COLEC10: variants seen among roughly 807,000 people sequenced by gnomAD.
COLEC10 encodes collectin subfamily member 10, also known as collectin-10.
A neutral mutation model predicts 28.4 loss-of-function variants in COLEC10; 22 were observed. That is an observed-to-expected ratio of 0.78 (90% CI 0.55 to 1.11). COLEC10 has a LOEUF of 1.11. Among genes scored for constraint, COLEC10 ranks in the 50% least tolerant of loss-of-function variants. The pLI is 0.00. For missense variants in COLEC10, 361 were observed against 344.1 expected, an observed-to-expected ratio of 1.05 and a Z score of -0.39; for synonymous variants, 125 against 116.1, an observed-to-expected ratio of 1.08 and a Z score of -0.49.
At chr8:118,997,439 A>G (rs1813608340) in intron 1 of COLEC10, among the ~76,000 whole-genome samples, 1 of 152,302 alleles carries the variant, frequency 6.6e-6, no homozygotes, top group East Asian at 1.9e-4. Flanking sequence ...CTAAAGTTTC[A>G]TATCTTACTT....
the COLEC10 span, among the ~76,000 whole-genome samples, chr8:118,967,673 T>C: frequency 1.3e-5 from 2 of 152,144 alleles, no homozygotes; most frequent in African/African-American, 2.4e-5. Context: ...AGTTAAATAA[T>C]ATGTTTTATT....
intron 1 of COLEC10, among the ~76,000 whole-genome samples, chr8:119,083,535 T>C (rs1815408898): frequency 6.6e-6 from 1 of 152,034 alleles, no homozygotes; most frequent in Admixed American, 6.6e-5. Flanking sequence ...AAGCAAAAAA[T>C]GCTCAGTATG....
chr8:119,091,646 A>G (rs993196297), intron 3 of COLEC10, among the ~76,000 whole-genome samples: 7 of 150,894 alleles, frequency 4.6e-5, no homozygotes, highest in African/African-American at 1.5e-4. Flanking sequence ...AATTGAGGAT[A>G]CCCTTAATCA....
Position 119,027,044 on chromosome 8 carries a change from T to G in COLEC10, n.235+17491T>G, listed in dbSNP as rs545368881. ...CACACCTTGGGATGAATGCTTGATA[T>G]CCTTGGAAAAATTATTTAATCTTCC... On this transcript the variant is annotated intron_variant and non_coding_transcript_variant, in intron 2 of 6. Transcript: ENST00000521788. Among the ~76,000 whole-genome samples the G allele has an allele frequency of 1.9e-4, 29 of 152,248 alleles. No homozygotes were observed. The South Asian group carries it at 3.3e-3, about 17-fold the overall frequency.
At chr8:119,041,065 G>A (rs534857290) in intron 2 of COLEC10, among the ~76,000 whole-genome samples, 1 of 152,318 alleles carries the variant, frequency 6.6e-6, no homozygotes, top group East Asian at 1.9e-4. Context: ...TAACTTGGGT[G>A]AAACTTCACT....
chr8:118,981,426 T>C, the COLEC10 span, among the ~76,000 whole-genome samples: 1 of 151,932 alleles, frequency 6.6e-6, no homozygotes, highest in African/African-American at 2.4e-5. Flanking sequence ...TTTTACACTT[T>C]TAATGCTTTT....
At chr8:119,014,400 G>C (rs1254980139) in intron 2 of COLEC10, among the ~76,000 whole-genome samples, 3 of 144,626 alleles carry the variant, frequency 2.1e-5, no homozygotes, top group Admixed American at 1.4e-4. Flanking sequence ...CTCTTTCTTT[G>C]TTTGCATGAT....
intron 2 of COLEC10, among the ~76,000 whole-genome samples, chr8:119,020,119 C>T (rs1349526272): frequency 6.6e-6 from 1 of 152,026 alleles, no homozygotes; most frequent in Non-Finnish European, 1.5e-5. Flanking sequence ...TCCTTTTTCC[C>T]CTCATTTTAT....
intron 3 of COLEC10, among the ~76,000 whole-genome samples, chr8:119,101,083 T>G: frequency 6.6e-6 from 1 of 151,974 alleles, no homozygotes; most frequent in East Asian, 1.9e-4. Flanking sequence ...GCCCTACAGG[T>G]TTTAGAGTGG....
chr8:119,019,477 C>T (rs927889540), intron 2 of COLEC10, among the ~76,000 whole-genome samples: 4 of 152,280 alleles, frequency 2.6e-5, no homozygotes, highest in South Asian at 4.1e-4. Flanking sequence ...CCATGGTCTT[C>T]CGTCTTCCTG....
chr8:119,023,738 A>G (rs146527483), intron 2 of COLEC10, among the ~76,000 whole-genome samples: 2 of 152,298 alleles, frequency 1.3e-5, no homozygotes, highest in African/African-American at 4.8e-5. Flanking sequence ...AACAACATTC[A>G]TTCTCTATTT....
At chr8:119,003,754 G>A (rs192094859) in intron 1 of COLEC10, among the ~76,000 whole-genome samples, 61 of 152,106 alleles carry the variant, frequency 4.0e-4, no homozygotes, top group Non-Finnish European at 4.9e-4. Flanking sequence ...CTCTAAAATT[G>A]GAATAATTAT....
chr8:119,088,087 A>G (rs1320510590), intron 1 of COLEC10, among the ~76,000 whole-genome samples: 6 of 151,982 alleles, frequency 3.9e-5, no homozygotes, highest in Non-Finnish European at 1.5e-5. Context: ...TGTTCACACC[A>G]CTGCACTCCA....
chr8:118,977,785 A>AT, the COLEC10 span, among the ~76,000 whole-genome samples: 133 of 151,184 alleles, frequency 8.8e-4, no homozygotes, highest in African/African-American at 2.6e-3. Context: ...TCAACTAAAA[A>AT]AAATATATAT....
At chr8:118,982,798 AG>A in the COLEC10 span, 1 of 152,592 alleles carries the variant, frequency 6.6e-6, no homozygotes, top group Non-Finnish European at 1.5e-5. Context: ...GAACCTGGTC[AG>A]GATATTTTGC....
intron 2 of COLEC10, among the ~76,000 whole-genome samples, chr8:119,015,759 G>A (rs12114617): frequency 0.013 from 1,910 of 152,230 alleles, 50 homozygotes; most frequent in African/African-American, 0.043. Flanking sequence ...AGTTTGTCCT[G>A]TACCTGAGAA....
At chr8:119,016,833 C>A (rs1814000127) in intron 2 of COLEC10, among the ~76,000 whole-genome samples, 1 of 152,154 alleles carries the variant, frequency 6.6e-6, no homozygotes. Context: ...TCTCCTGCCT[C>A]AGCCTTCTGA....
chr8:118,998,846 CAAAAAAA>C (rs567463648), intron 1 of COLEC10, among the ~76,000 whole-genome samples: 1 of 76,632 alleles, frequency 1.3e-5, no homozygotes, highest in Admixed American at 1.6e-4. Context: ...GACTCCGTCT[CAAAAAAA>C]AAAAAAAAAA....
intron 3 of COLEC10, among the ~76,000 whole-genome samples, chr8:119,100,867 T>A (rs1442947156): frequency 6.6e-6 from 1 of 152,174 alleles, no homozygotes; most frequent in African/African-American, 2.4e-5. Flanking sequence ...ACCTTCTGTT[T>A]GGGGAGCACG....
Sources: gnomAD v4.1 joint callset for allele counts (sites outside exome capture counted in the v4.1 genomes callset) on GRCh38, gnomAD v4.1.1 for gene constraint, MANE v1.5 for transcripts, NCBI Gene and HGNC (gene_info 2026-07-23, HGNC 2026-07-21) for gene names.